CXCL13: variants seen among roughly 807,000 people sequenced by gnomAD.
The protein encoded by CXCL13 is C-X-C motif chemokine 13.
Under a neutral mutation model 12.2 loss-of-function variants are expected in CXCL13, and 7 were observed. The observed-to-expected ratio is 0.57, with a 90% CI of 0.33 to 1.07. The LOEUF (loss-of-function observed/expected upper bound fraction) is 1.07, where lower values mean the gene tolerates loss of function less well. Among genes scored for constraint, CXCL13 ranks in the 50% least tolerant of loss-of-function variants. The pLI, the probability that CXCL13 is intolerant of heterozygous loss-of-function variation, is 0.04. For synonymous variants in CXCL13, 47 were observed against 42.4 expected (o/e 1.11, Z -0.42); for missense variants, 113 against 127.4 (o/e 0.89, Z 0.55).
At chr4:77,590,652 C>G (rs1726581778) in intron 1 of CXCL13, among the ~76,000 whole-genome samples, 1 of 152,162 alleles carries the variant, frequency 6.6e-6, no homozygotes, top group Non-Finnish European at 1.5e-5. Context: ...ATTGGCATGA[C>G]AGTAGCCCAT....
At chr4:77,541,861 A>G (rs1020273293) in intron 1 of CXCL13, among the ~76,000 whole-genome samples, 1 of 152,044 alleles carries the variant, frequency 6.6e-6, no homozygotes, top group African/African-American at 2.4e-5. Context: ...ATGTTTTTCC[A>G]TTTGTTTATG....
At chr4:77,610,822 T>C (rs2109839878) in intron 3 of CXCL13, 128 bp downstream of exon 3, 2 of 917,994 alleles carry the variant, frequency 2.2e-6, no homozygotes, top group Non-Finnish European at 3.5e-6. Context: ...TGTTTTTCAC[T>C]GTTATTGCTT....
At chr4:77,609,837 T>A (rs531364061) in intron 2 of CXCL13, among the ~76,000 whole-genome samples, 225 of 152,354 alleles carry the variant, frequency 1.5e-3, no homozygotes, top group African/African-American at 5.2e-3. Flanking sequence ...TAATCTTCAT[T>A]TGAATCCTTC....
chr4:77,602,305 T>A (rs1726898377), upstream of CXCL13, among the ~76,000 whole-genome samples: 1 of 152,216 alleles, frequency 6.6e-6, no homozygotes, highest in Admixed American at 6.5e-5. Context: ...AGTGGATGTG[T>A]CCTGTCCACT....
intron 1 of CXCL13, among the ~76,000 whole-genome samples, chr4:77,596,880 T>G (rs2109833723): frequency 6.6e-6 from 1 of 151,936 alleles, no homozygotes; most frequent in Non-Finnish European, 1.5e-5. Flanking sequence ...GCAGCATTAC[T>G]CACGATAGCC....
chr4:77,553,207 C>T (rs1443151377), intron 1 of CXCL13, among the ~76,000 whole-genome samples: 1 of 152,214 alleles, frequency 6.6e-6, no homozygotes, highest in Non-Finnish European at 1.5e-5. Context: ...TCTCTTCCTG[C>T]TCCAGGTCTG....
Position 77,607,775 on chromosome 4 carries a change from G to A in CXCL13, c.137G>A (p.Arg46His), listed in dbSNP as rs200223583. 5.0e-6 allele frequency: 8 copies of A among 1,613,930 alleles called. No individual in the cohort carries two copies. Among genetic ancestry groups the A allele is most frequent in the East Asian group, 2.2e-5 (1 of 44,866 alleles). The change falls in exon 2 of 4, where the codon CGC becomes CAC. Residue 46 changes from arginine to histidine, a missense_variant. Arg to His is a conservative substitution (Grantham distance 29, BLOSUM62 0). Coordinates refer to ENST00000682537, the MANE Select transcript of CXCL13 (RefSeq NM_001371558.1). The part of the protein sequence containing the change: ...VQESSVFIPR[R>H]FIDRIQILPR... ...GAGAGCTCAGTCTTTATCCCTAGAC[G>A]CTTCATTGATCGAATTCAAATCTTG... is the stretch of plus-strand genomic sequence containing the variant.
intron 1 of CXCL13, among the ~76,000 whole-genome samples, chr4:77,546,065 T>C (rs539363270): frequency 6.6e-6 from 1 of 152,360 alleles, no homozygotes; most frequent in Non-Finnish European, 1.5e-5. Flanking sequence ...GATTTGCATA[T>C]GTTAAACCAG....
At chr4:77,529,905 T>G (rs1247264969) in intron 1 of CXCL13, among the ~76,000 whole-genome samples, 1 of 152,226 alleles carries the variant, frequency 6.6e-6, no homozygotes, top group East Asian at 1.9e-4. Flanking sequence ...TGATATTGGT[T>G]GTGAGTTTGT....
chr4:77,562,331 C>T (rs1725835764), intron 1 of CXCL13, among the ~76,000 whole-genome samples: 1 of 151,962 alleles, frequency 6.6e-6, no homozygotes, highest in Non-Finnish European at 1.5e-5. Flanking sequence ...AGTGCGGGCA[C>T]AAGGCACGGG....
intron 1 of CXCL13, among the ~76,000 whole-genome samples, chr4:77,528,763 G>T (rs1248545934): frequency 6.6e-6 from 1 of 152,170 alleles, no homozygotes; most frequent in African/African-American, 2.4e-5. Context: ...CCTTTGCTGT[G>T]CAGAAGCTCT....
chr4:77,562,783 G>A (rs1474534762), intron 1 of CXCL13, among the ~76,000 whole-genome samples: 1 of 152,134 alleles, frequency 6.6e-6, no homozygotes, highest in African/African-American at 2.4e-5. Flanking sequence ...GGGATTTGGA[G>A]AACTTTTGTG....
At chr4:77,580,315 T>C (rs1578063096) in intron 1 of CXCL13, among the ~76,000 whole-genome samples, 3 of 79,994 alleles carry the variant, frequency 3.8e-5, no homozygotes, top group African/African-American at 1.1e-4. Flanking sequence ...TTTCTTTTTT[T>C]TTTTTTTTTT....
chr4:77,564,376 G>A (rs1265199679), intron 1 of CXCL13, among the ~76,000 whole-genome samples: 2 of 152,200 alleles, frequency 1.3e-5, no homozygotes, highest in East Asian at 1.9e-4. Context: ...GGCTAAGACA[G>A]CAAGTTTGAC....
intron 1 of CXCL13, among the ~76,000 whole-genome samples, chr4:77,578,600 T>C (rs966605880): frequency 2.0e-5 from 3 of 152,070 alleles, no homozygotes; most frequent in African/African-American, 7.2e-5. Flanking sequence ...TCATGTGTGG[T>C]GGCCTGGAAT....
intron 1 of CXCL13, among the ~76,000 whole-genome samples, chr4:77,577,048 A>G (rs1248066384): frequency 6.6e-6 from 1 of 152,222 alleles, no homozygotes; most frequent in African/African-American, 2.4e-5. Context: ...AAAAGCATAG[A>G]TAGCTTTTAT....
upstream of CXCL13, among the ~76,000 whole-genome samples, chr4:77,601,156 G>A (rs1726874716): frequency 6.6e-6 from 1 of 152,146 alleles, no homozygotes. Flanking sequence ...CTGCATTTAA[G>A]TTGGGTTTAA....
At position 77,551,786 on chromosome 4, in the gene CXCL13, A is replaced by T. The variant is rs191740547; in HGVS notation, c.-43+39998A>T. Among the ~76,000 whole-genome samples the T allele has an allele frequency of 2.8e-3, 424 of 151,920 alleles. 2 individuals are homozygous for T. The highest frequency in any genetic ancestry group is 9.8e-3 in the African/African-American group (403 of 41,278). ...TTCTCAAAGACTTTGTTTATTTTTT[A>T]AATTCTTTTTTCTGTATTTTTGTCT... On this transcript the variant is annotated intron_variant, in intron 1 of 4. Coordinates refer to the CXCL13 transcript ENST00000286758.
chr4:77,521,207 G>A (rs909592426), intron 1 of CXCL13, among the ~76,000 whole-genome samples: 1 of 152,152 alleles, frequency 6.6e-6, no homozygotes, highest in Non-Finnish European at 1.5e-5. Context: ...GCCAGGCTTT[G>A]GTATCAGGAT....
Sources: gnomAD v4.1 joint callset for allele counts (sites outside exome capture counted in the v4.1 genomes callset) on GRCh38, gnomAD v4.1.1 for gene constraint, MANE v1.5 for transcripts, NCBI Gene and HGNC (gene_info 2026-07-23, HGNC 2026-07-21) for gene names.